Variants in RANBP2 observed in about 807,000 individuals in gnomAD.
The protein encoded by RANBP2 is E3 SUMO-protein ligase RanBP2.
RANBP2 carries 57 observed loss-of-function variants against 303.6 expected under a neutral mutation model. The observed-to-expected ratio is 0.19, with a 90% confidence interval of 0.15 to 0.23. The LOEUF (loss-of-function observed/expected upper bound fraction) is 0.23, where lower values mean the gene tolerates loss of function less well. RANBP2 is among the 10% of genes least tolerant of loss of function. The probability of loss-of-function intolerance (pLI) is 1.00; values close to 1 mark genes in which losing one functional copy is unlikely to be tolerated. For synonymous variants in RANBP2, 1,167 were observed against 1,301.5 expected (o/e 0.90, Z 2.23); for missense variants, 3,138 against 3,780.8 (o/e 0.83, Z 4.46).
the RANBP2 span, among the ~76,000 whole-genome samples, chr2:109,412,743 CTT>C: frequency 0.013 from 1,909 of 152,344 alleles, 45 homozygotes; most frequent in African/African-American, 0.044. Flanking sequence ...ACCATTGTCA[CTT>C]GATATTAAAG....
At chr2:108,752,626 AAAAAAAAAAAG>A (rs1271834540) in intron 12 of RANBP2, among the ~76,000 whole-genome samples, 24 of 142,656 alleles carry the variant, frequency 1.7e-4, no homozygotes, top group East Asian at 6.0e-4. Flanking sequence ...ACAAAAAAAA[AAAAAAAAAAAG>A]AAAAAATTAG....
chr2:109,615,626 C>G, the RANBP2 span: 1 of 1,613,748 alleles, frequency 6.2e-7, no homozygotes, highest in South Asian at 1.1e-5. Context: ...AAAAGGCCTC[C>G]CAGTACCTGA....
At chr2:109,207,607 C>A in the RANBP2 span, among the ~76,000 whole-genome samples, 1 of 152,084 alleles carries the variant, frequency 6.6e-6, no homozygotes, top group South Asian at 2.1e-4. Context: ...AATAAAGATG[C>A]AATGGAGCCC....
the RANBP2 span, among the ~76,000 whole-genome samples, chr2:109,435,421 C>T: frequency 1.3e-5 from 2 of 152,274 alleles, no homozygotes; most frequent in Non-Finnish European, 1.5e-5. Flanking sequence ...CGAAGGCCTA[C>T]TCCTTCCTGC....
At chr2:109,615,252 G>A in the RANBP2 span, 1 of 1,557,538 alleles carries the variant, frequency 6.4e-7, no homozygotes, top group Non-Finnish European at 8.7e-7. Context: ...CGCGGAGGAG[G>A]AGAGCAGCGG....
At chr2:109,484,229 G>T in the RANBP2 span, among the ~76,000 whole-genome samples, 2 of 152,080 alleles carry the variant, frequency 1.3e-5, no homozygotes, top group Non-Finnish European at 2.9e-5. Flanking sequence ...ACCACGCTCA[G>T]CTAATTCTCA....
At chr2:109,281,971 C>A in the RANBP2 span, among the ~76,000 whole-genome samples, 2 of 151,992 alleles carry the variant, frequency 1.3e-5, no homozygotes, top group Non-Finnish European at 2.9e-5. Flanking sequence ...GCCCAATGGC[C>A]GAGCGCTGGG....
At chr2:108,944,404 G>A in the RANBP2 span, among the ~76,000 whole-genome samples, 2 of 152,234 alleles carry the variant, frequency 1.3e-5, no homozygotes, top group African/African-American at 4.8e-5. Flanking sequence ...GTGAACCACC[G>A]TGCCCGGCCC....
the RANBP2 span, among the ~76,000 whole-genome samples, chr2:109,726,689 C>T: frequency 6.6e-6 from 1 of 152,050 alleles, no homozygotes; most frequent in Admixed American, 6.6e-5. Context: ...TTACATTTTC[C>T]CAAAGTCCTG....
chr2:108,901,033 A>G, the RANBP2 span, among the ~76,000 whole-genome samples: 2 of 152,214 alleles, frequency 1.3e-5, no homozygotes, highest in African/African-American at 4.8e-5. Flanking sequence ...TCATCAACCA[A>G]CACGATCTAA....
At chr2:109,398,790 C>T in the RANBP2 span, 1 of 1,613,804 alleles carries the variant, frequency 6.2e-7, no homozygotes, top group Non-Finnish European at 8.5e-7. Flanking sequence ...GCCACTCCTT[C>T]ACCGCGCTCA....
chr2:109,287,484 T>A, the RANBP2 span, among the ~76,000 whole-genome samples: 2 of 152,190 alleles, frequency 1.3e-5, no homozygotes, highest in African/African-American at 4.8e-5. Context: ...GATACCTCCC[T>A]TCTGAGAGCA....
the RANBP2 span, among the ~76,000 whole-genome samples, chr2:108,932,205 A>G: frequency 6.6e-6 from 1 of 152,150 alleles, no homozygotes; most frequent in Non-Finnish European, 1.5e-5. Flanking sequence ...GGCATTAGGT[A>G]GAAATTAGCG....
chr2:109,719,523 C>T, the RANBP2 span, among the ~76,000 whole-genome samples: 1 of 151,666 alleles, frequency 6.6e-6, no homozygotes, highest in East Asian at 1.9e-4. Context: ...TCTCCTGCCT[C>T]AGCCTCCTGA....
At chr2:109,397,222 C>T in the RANBP2 span, among the ~76,000 whole-genome samples, 6 of 152,286 alleles carry the variant, frequency 3.9e-5, no homozygotes, top group Non-Finnish European at 7.3e-5. Flanking sequence ...AGACAGCTCC[C>T]GCTTCCTCCT....
the RANBP2 span, among the ~76,000 whole-genome samples, chr2:108,830,722 C>T: frequency 0.62 from 93,483 of 151,844 alleles, 29,964 homozygotes; most frequent in East Asian, 0.88. Flanking sequence ...GCAAGAGAGT[C>T]GCTTGAACCC....
At chr2:109,404,675 G>C in the RANBP2 span, among the ~76,000 whole-genome samples, 4 of 152,136 alleles carry the variant, frequency 2.6e-5, no homozygotes, top group African/African-American at 7.2e-5. Context: ...CTCCCACCGG[G>C]TGCCCCCTCC....
At chr2:109,189,555 A>C in the RANBP2 span, among the ~76,000 whole-genome samples, 1 of 151,642 alleles carries the variant, frequency 6.6e-6, no homozygotes, top group Non-Finnish European at 1.5e-5. Flanking sequence ...TTTTAGTAGA[A>C]GCGGGGTTTC....
At chr2:109,141,070 A>G in the RANBP2 span, among the ~76,000 whole-genome samples, 96 of 152,314 alleles carry the variant, frequency 6.3e-4, no homozygotes, top group Non-Finnish European at 9.1e-4. Flanking sequence ...GAAGGGATCA[A>G]TGCTATGCTG....
Sources: gnomAD v4.1 joint callset for allele counts (sites outside exome capture counted in the v4.1 genomes callset) on GRCh38, gnomAD v4.1.1 for gene constraint, MANE v1.5 for transcripts, NCBI Gene and HGNC (gene_info 2026-07-23, HGNC 2026-07-21) for gene names.